Variants in RHBDD1 observed in about 807,000 individuals in gnomAD.
The protein encoded by RHBDD1 is rhomboid-related protein 4.
In RHBDD1, 38 loss-of-function variants were observed where a neutral mutation model predicts 36.3. The ratio of observed to expected loss-of-function variants is 1.05; its 90% confidence interval spans 0.81 to 1.37. The LOEUF is 1.37. Among genes scored for constraint, RHBDD1 ranks in the 40% most tolerant of loss-of-function variants. The pLI, the probability that RHBDD1 is intolerant of heterozygous loss-of-function variation, is 0.00. For synonymous variants in RHBDD1, 151 were observed against 136.5 expected (o/e 1.11, Z -0.74); for missense variants, 393 against 377.6 (o/e 1.04, Z -0.34).
At chr2:226,908,265 G>A (rs1948217448) in intron 6 of RHBDD1, 1 of 152,302 alleles carries the variant, frequency 6.6e-6, no homozygotes, top group South Asian at 2.1e-4. Flanking sequence ...CCCAGCATGT[G>A]GAAGCTGCTG....
intron 8 of RHBDD1, among the ~76,000 whole-genome samples, chr2:226,973,053 T>C (rs1329596585): frequency 6.6e-6 from 1 of 152,222 alleles, no homozygotes; most frequent in Admixed American, 6.5e-5. Context: ...CTACCTGAGT[T>C]TGGGTTGTGC....
At chr2:226,937,280 G>A (rs1317660920) in intron 8 of RHBDD1, among the ~76,000 whole-genome samples, 1 of 152,074 alleles carries the variant, frequency 6.6e-6, no homozygotes, top group African/African-American at 2.4e-5. Context: ...GTGTGAACAA[G>A]TTTTTATACT....
chr2:226,852,901 T>TTTA (rs34006366), intron 3 of RHBDD1, among the ~76,000 whole-genome samples: 30,706 of 124,190 alleles, frequency 0.25, 4,200 homozygotes, highest in Non-Finnish European at 0.31. Flanking sequence ...ACCTGGCTAA[T>TTTA]TTATTATTAT....
At chr2:226,931,131 CACT>C (rs1227708764) in intron 8 of RHBDD1, among the ~76,000 whole-genome samples, 2 of 151,436 alleles carry the variant, frequency 1.3e-5, no homozygotes, top group Non-Finnish European at 3.0e-5. Flanking sequence ...GCATTCCCAC[CACT>C]GATTATCTAC....
In RHBDD1 at chr2:226,857,394, A is replaced by G. The variant is rs188007761; in HGVS notation, c.-90-7210A>G. Among the ~76,000 whole-genome samples the G allele has an allele frequency of 1.2e-4, 19 of 152,268 alleles. No individual in the cohort carries two copies. The East Asian group carries it at 3.5e-3, about 28-fold the overall frequency. On this transcript the variant is annotated intron_variant, in intron 3 of 8. Transcript: ENST00000392062. ...AATTTCACAGTTACTCAGAAAGTTA[A>G]ACATAAAGTCAACCATATGAGCCAG...
intron 3 of RHBDD1, among the ~76,000 whole-genome samples, chr2:226,862,353 C>CTTTTTT (rs565626444): frequency 7.7e-6 from 1 of 130,578 alleles, no homozygotes; most frequent in African/African-American, 2.8e-5. Context: ...AGAATCCTGC[C>CTTTTTT]TTTTTTTTTT....
At chr2:226,800,728 A>G in the RHBDD1 span, among the ~76,000 whole-genome samples, 1 of 152,276 alleles carries the variant, frequency 6.6e-6, no homozygotes, top group East Asian at 1.9e-4. Context: ...CTACTGTGCA[A>G]ATATTGGCTG....
At chr2:226,995,406 T>G in intron 8 of RHBDD1, 25 bp from the exon 9 acceptor site, 1 of 1,484,188 alleles carries the variant, frequency 6.7e-7, no homozygotes, top group Non-Finnish European at 9.4e-7. Context: ...AATGATTGAT[T>G]TTTCCTTTGG....
chr2:226,864,080 A>T (rs1944102419), intron 3 of RHBDD1, among the ~76,000 whole-genome samples: 1 of 152,156 alleles, frequency 6.6e-6, no homozygotes, highest in African/African-American at 2.4e-5. Context: ...ATGAAAGTAG[A>T]GTTCAGACCA....
At chr2:226,988,463 T>C in intron 8 of RHBDD1, 1 of 1,548,344 alleles carries the variant, frequency 6.5e-7, no homozygotes, top group Non-Finnish European at 8.7e-7. Flanking sequence ...CCTTTGAGGC[T>C]GCAGGGTCCC....
At chr2:226,952,484 G>C (rs1472817342) in intron 8 of RHBDD1, among the ~76,000 whole-genome samples, 1 of 151,988 alleles carries the variant, frequency 6.6e-6, no homozygotes, top group African/African-American at 2.4e-5. Flanking sequence ...TTTTAGTAGA[G>C]ACTCAGTTTC....
chr2:226,958,306 A>G (rs1427332091), intron 8 of RHBDD1, among the ~76,000 whole-genome samples: 1 of 152,222 alleles, frequency 6.6e-6, no homozygotes, highest in Non-Finnish European at 1.5e-5. Context: ...ATTCGATCAT[A>G]TGAAGTGGCC....
intron 3 of RHBDD1, among the ~76,000 whole-genome samples, chr2:226,858,716 T>G (rs1943559058): frequency 6.6e-6 from 1 of 152,198 alleles, no homozygotes; most frequent in South Asian, 2.1e-4. Flanking sequence ...TGAATTCAGT[T>G]TCTTTTGTTT....
At chr2:226,801,596 T>C in the RHBDD1 span, among the ~76,000 whole-genome samples, 3 of 152,124 alleles carry the variant, frequency 2.0e-5, no homozygotes, top group Non-Finnish European at 4.4e-5. Flanking sequence ...ACATGTTGAA[T>C]TGAAAGCCCT....
chr2:226,845,532 C>T (rs555333021), intron 3 of RHBDD1, among the ~76,000 whole-genome samples: 20 of 152,230 alleles, frequency 1.3e-4, no homozygotes, highest in Non-Finnish European at 2.5e-4. Context: ...GCAAAAAGCA[C>T]TGGGACATTT....
chr2:226,868,458 T>C, intron 5 of RHBDD1, among the ~76,000 whole-genome samples: 1 of 152,216 alleles, frequency 6.6e-6, no homozygotes, highest in East Asian at 1.9e-4. Flanking sequence ...AGTTGTGTTA[T>C]TTTTTCCACC....
intron 8 of RHBDD1, among the ~76,000 whole-genome samples, chr2:226,985,322 T>C (rs1316639689): frequency 1.3e-5 from 2 of 152,202 alleles, no homozygotes; most frequent in Non-Finnish European, 2.9e-5. Context: ...ACATAGAAAC[T>C]GCTAGATGCT....
intron 3 of RHBDD1, among the ~76,000 whole-genome samples, chr2:226,854,699 C>A (rs1221825481): frequency 6.6e-6 from 1 of 151,732 alleles, no homozygotes; most frequent in African/African-American, 2.4e-5. Flanking sequence ...GAGTCCATTC[C>A]ATTAATTATG....
At chr2:226,947,953 T>G (rs1048660608) in intron 8 of RHBDD1, among the ~76,000 whole-genome samples, 24 of 152,188 alleles carry the variant, frequency 1.6e-4, no homozygotes, top group Non-Finnish European at 2.8e-4. Context: ...ATAGGAACAC[T>G]TTTACACTGT....
Sources: allele counts gnomAD v4.1 joint callset (sites outside exome capture counted in the v4.1 genomes callset), GRCh38; gene constraint gnomAD v4.1.1; transcripts MANE v1.5; gene names NCBI Gene and HGNC (gene_info 2026-07-23, HGNC 2026-07-21).